GRHL1: variants seen among roughly 807,000 people sequenced by gnomAD.
GRHL1 encodes grainyhead like transcription factor 1, also known as grainyhead-like protein 1 homolog.
GRHL1 carries 38 observed loss-of-function variants against 75.7 expected under a neutral mutation model. That is an observed-to-expected ratio of 0.50 (90% CI 0.39 to 0.66). GRHL1 has a LOEUF of 0.66. GRHL1 is among the 30% of genes least tolerant of loss of function. The pLI, the probability that GRHL1 is intolerant of heterozygous loss-of-function variation, is 0.00. For synonymous variants in GRHL1, 266 were observed against 279.4 expected (o/e 0.95, Z 0.48); for missense variants, 589 against 767.5 (o/e 0.77, Z 2.75).
chr2:9,994,524 T>C (rs1467001571), intron 12 of GRHL1, among the ~76,000 whole-genome samples: 1 of 152,102 alleles, frequency 6.6e-6, no homozygotes, highest in Non-Finnish European at 1.5e-5. Flanking sequence ...ACCGTCATAC[T>C]GGGGACATTC....
chr2:9,953,982 G>T (rs532864490), intron 1 of GRHL1, among the ~76,000 whole-genome samples: 1 of 152,072 alleles, frequency 6.6e-6, no homozygotes, highest in East Asian at 1.9e-4. Context: ...AGTACCAACC[G>T]AACAGTTGTT....
chr2:9,984,086 G>A (rs1305856622), intron 8 of GRHL1, among the ~76,000 whole-genome samples: 3 of 152,048 alleles, frequency 2.0e-5, no homozygotes, highest in African/African-American at 4.8e-5. Flanking sequence ...CCCGGGAGGC[G>A]GAGGTTGCAG....
chr2:9,967,585 G>A (rs1445403698), intron 8 of GRHL1, among the ~76,000 whole-genome samples: 2 of 151,676 alleles, frequency 1.3e-5, no homozygotes, highest in Non-Finnish European at 1.5e-5. Flanking sequence ...TTTGCCTGCC[G>A]CCAGAAGGGT....
At chr2:9,981,983 C>T (rs918702397) in intron 8 of GRHL1, among the ~76,000 whole-genome samples, 5 of 152,100 alleles carry the variant, frequency 3.3e-5, no homozygotes, top group South Asian at 2.1e-4. Context: ...TAAAAATAAG[C>T]GGGAGAGTTT....
intron 8 of GRHL1, among the ~76,000 whole-genome samples, chr2:9,969,085 A>G (rs957580033): frequency 2.0e-5 from 3 of 152,226 alleles, no homozygotes; most frequent in African/African-American, 7.2e-5. Context: ...AACTGAATGG[A>G]CTGCGCATCT....
chr2:9,994,223 C>T (rs1668758675), intron 12 of GRHL1, among the ~76,000 whole-genome samples: 1 of 152,114 alleles, frequency 6.6e-6, no homozygotes, highest in Non-Finnish European at 1.5e-5. Flanking sequence ...CAGCTCACTG[C>T]AGCCTTGAGC....
chr2:9,992,153 A>T lies in GRHL1; in HGVS notation c.1461+7A>T, dbSNP rs1200718290. On this transcript the variant is annotated splice_region_variant and intron_variant, in intron 11 of 15. Transcript: ENST00000324907. The surrounding 1 kb of genome is among the most constrained non-coding windows in gnomAD (Gnocchi z 4.6). Reference sequence around the variant, plus strand: ...CTTGCAGCGGGGCACTCATGTAGGTAACCAGGATCCCAGGGGAGGTTACCA... The same window carrying T: ...CTTGCAGCGGGGCACTCATGTAGGTTACCAGGATCCCAGGGGAGGTTACCA... 6.2e-7 allele frequency: 1 copy of T among 1,610,236 alleles called. No individual in the cohort carries two copies.
chr2:9,970,361 G>A (rs1247215582), intron 8 of GRHL1, among the ~76,000 whole-genome samples: 2 of 152,248 alleles, frequency 1.3e-5, no homozygotes, highest in Admixed American at 1.3e-4. Context: ...TAGATGTAGA[G>A]TCTGACTTGG....
intron 8 of GRHL1, among the ~76,000 whole-genome samples, chr2:9,977,413 G>A (rs1037492650): frequency 3.3e-5 from 5 of 152,084 alleles, no homozygotes; most frequent in Admixed American, 6.5e-5. Context: ...CTCCGCCTCC[G>A]GGGATCAAGC....
intron 12 of GRHL1, among the ~76,000 whole-genome samples, chr2:9,993,600 T>C (rs6711126): frequency 0.2 from 29,985 of 152,240 alleles, 3,041 homozygotes; most frequent in African/African-American, 0.24. Flanking sequence ...CAAATATTTT[T>C]GAAGATTACA....
intron 8 of GRHL1, among the ~76,000 whole-genome samples, chr2:9,975,940 A>G (rs1667930804): frequency 6.6e-6 from 1 of 152,180 alleles, no homozygotes; most frequent in Non-Finnish European, 1.5e-5. Flanking sequence ...GGATTTGGAC[A>G]AGTTACCTAA....
chr2:9,974,805 C>G (rs1191599712), intron 8 of GRHL1, among the ~76,000 whole-genome samples: 2 of 152,186 alleles, frequency 1.3e-5, no homozygotes, highest in Admixed American at 6.5e-5. Flanking sequence ...TTGTTCGTTG[C>G]ACTTCTCTAT....
At chr2:9,989,178 G>C (rs11690988) in intron 9 of GRHL1, among the ~76,000 whole-genome samples, 30,304 of 152,040 alleles carry the variant, frequency 0.2, 3,124 homozygotes, top group African/African-American at 0.25. Context: ...AAAGGCAGAA[G>C]GTGGTTTTAT....
At chr2:9,961,550 A>G in intron 4 of GRHL1, 114 bp downstream of exon 4, 2 of 1,004,312 alleles carry the variant, frequency 2.0e-6, no homozygotes, top group Non-Finnish European at 2.8e-6. Flanking sequence ...TGGATTAGGA[A>G]TAAAAGATTT....
At chr2:9,977,568 C>T (rs180932017) in intron 8 of GRHL1, among the ~76,000 whole-genome samples, 45 of 152,274 alleles carry the variant, frequency 3.0e-4, no homozygotes, top group East Asian at 2.9e-3. Flanking sequence ...GTGATCCGCC[C>T]GCCTCGGCCT....
Position 9,990,060 on chromosome 2 carries a change from A to G in GRHL1, c.1270-636A>G, listed in dbSNP as rs886188936. On this transcript the variant is annotated intron_variant, in intron 9 of 15. Coordinates refer to ENST00000324907, the MANE Select transcript of GRHL1 (RefSeq NM_198182.3). The surrounding 1 kb of genome is among the most constrained non-coding windows in gnomAD (Gnocchi z 4.2). ...TTTCCTTTTCCTACTGGACAAAGGG[A>G]AAATACCCTTGTGTCTTTGCAGGCA... Among the ~76,000 whole-genome samples, 28 of 152,152 alleles carry G rather than the reference A, an allele frequency of 1.8e-4. 1 individual carries two copies. Among genetic ancestry groups the G allele is most frequent in the Admixed American group, 3.3e-4 (5 of 15,278 alleles).
Position 10,001,059 on chromosome 2 carries a change from T to G in GRHL1, c.*352T>G. 6.0e-6 allele frequency: 1 copy of G among 165,524 alleles called. No homozygotes were observed. Among genetic ancestry groups the G allele is most frequent in the African/African-American group, 2.4e-5 (1 of 42,058 alleles). The allele number at this position is 165,524 out of a possible 1,614,324, so 10.3% of individuals were successfully genotyped here. A position where few individuals can be genotyped will look rare whatever the true frequency, so the allele number is the denominator to read the frequency against. On this transcript the variant is annotated 3_prime_UTR_variant, in exon 16 of 16. Coordinates refer to ENST00000324907, the MANE Select transcript of GRHL1 (RefSeq NM_198182.3). ...AATATTGGGATCTCTGCCTTGTGCC[T>G]ACAGTGTCGTGGGCCTGCTCGCTAG...
intron 6 of GRHL1, 79 bp from the exon 7 acceptor site, chr2:9,964,156 A>G: frequency 3.1e-6 from 4 of 1,309,308 alleles, no homozygotes; most frequent in Non-Finnish European, 4.3e-6. Flanking sequence ...CCTTCACTGT[A>G]AAATATAGTA....
rs1667386361 is a variant in GRHL1, at chr2:9,964,027, C to G, written c.888C>G (p.Pro296=). The change falls in exon 6 of 16, where the codon CCC becomes CCG. Residue 296 remains proline (P), a synonymous_variant. Transcript: ENST00000324907. ...EVSSSEGIHH[P]ISKVRSVIMV... ...GCAGCAGTGAAGGAATCCATCATCC[C>G]ATCAGCAAAGTTCGAGTAAGTTCTG... is the stretch of plus-strand genomic sequence containing the variant. 6.2e-7 allele frequency: 1 copy of G among 1,613,678 alleles called. No individual in the cohort carries two copies. The highest frequency in any genetic ancestry group is 8.5e-7 in the Non-Finnish European group (1 of 1,179,742).
Sources: gnomAD v4.1 joint callset for allele counts (sites outside exome capture counted in the v4.1 genomes callset) on GRCh38, gnomAD v4.1.1 for gene constraint, Gnocchi (gnomAD v3.1) non-coding constraint, MANE v1.5 for transcripts, NCBI Gene and HGNC (gene_info 2026-07-23, HGNC 2026-07-21) for gene names.